Variants in USP45 observed in about 807,000 individuals in gnomAD.
The protein encoded by USP45 is ubiquitin carboxyl-terminal hydrolase 45.
A neutral mutation model predicts 95.8 loss-of-function variants in USP45; 89 were observed. The observed-to-expected ratio is 0.93, with a 90% confidence interval of 0.78 to 1.11. The LOEUF (loss-of-function observed/expected upper bound fraction) is 1.11. USP45 is among the 50% of genes least tolerant of loss of function. USP45 has a pLI of 0.00. For missense variants in USP45, 898 were observed against 942.5 expected (o/e 0.95, Z 0.62); for synonymous variants, 281 against 316.2 (o/e 0.89, Z 1.18).
At chr6:99,454,659 C>T (rs1784610552) in intron 13 of USP45, among the ~76,000 whole-genome samples, 1 of 152,130 alleles carries the variant, frequency 6.6e-6, no homozygotes, top group African/African-American at 2.4e-5. Context: ...ATTAAAACCA[C>T]AATGAAATAT....
chr6:99,483,155 T>TAATG (rs1792850026), intron 7 of USP45, among the ~76,000 whole-genome samples: 3 of 152,188 alleles, frequency 2.0e-5, no homozygotes, highest in African/African-American at 7.2e-5. Context: ...CACTGTCCTT[T>TAATG]AATGCACTCT....
chr6:99,491,708 A>G (rs949939879), intron 5 of USP45, among the ~76,000 whole-genome samples: 17 of 152,196 alleles, frequency 1.1e-4, no homozygotes, highest in African/African-American at 3.6e-4. Context: ...AGATTCTTAC[A>G]GATTTGGGTA....
At chr6:99,459,041 T>C (rs1437456829) in intron 13 of USP45, among the ~76,000 whole-genome samples, 1 of 152,216 alleles carries the variant, frequency 6.6e-6, no homozygotes, top group Non-Finnish European at 1.5e-5. Flanking sequence ...GTTATAAAGG[T>C]AAACTTGTGT....
Position 99,464,756 on chromosome 6 carries a change from A to T in USP45, c.1165-9T>A. 6.3e-7 allele frequency: 1 copy of T among 1,594,778 alleles called. No homozygotes were observed. The highest frequency in any genetic ancestry group is 1.3e-5 in the African/African-American group (1 of 74,230). On this transcript the variant is annotated splice_polypyrimidine_tract_variant and intron_variant, in intron 12 of 17. Coordinates refer to ENST00000500704, the MANE Select transcript of USP45 (RefSeq NM_001346022.3). ...AGTAAAGGTTTTGAAACCTATGTAAATGCCACATACAGAAACCAAAACCTC... is the reference window on the plus strand; with the variant it reads ...AGTAAAGGTTTTGAAACCTATGTAATTGCCACATACAGAAACCAAAACCTC...
intron 1 of USP45, among the ~76,000 whole-genome samples, chr6:99,511,223 C>T: frequency 6.6e-6 from 1 of 151,836 alleles, no homozygotes. Flanking sequence ...TGGATCTCGG[C>T]TCACTGCAAC....
At chr6:99,481,636 G>C (rs9389403) in intron 8 of USP45, among the ~76,000 whole-genome samples, 149,457 of 152,214 alleles carry the variant, frequency 0.98, 73,431 homozygotes, top group East Asian at 1. Flanking sequence ...GCATAGTACC[G>C]AATAGTTAGT....
intron 13 of USP45, chr6:99,462,357 A>T: frequency 1.0e-6 from 1 of 984,902 alleles, no homozygotes; most frequent in Non-Finnish European, 1.2e-6. Context: ...TTTCTCTCAT[A>T]CATTTGGATA....
chr6:99,466,681 T>G lies in USP45; in HGVS notation c.1098A>C (p.Glu366Asp), dbSNP rs776901973. The change falls in exon 11 of 18, where the codon GAA becomes GAC. Residue 366 changes from glutamate (E) to aspartate (D), a missense_variant. Coordinates refer to ENST00000500704, the MANE Select transcript of USP45 (RefSeq NM_001346022.3). ...ATTCTAAAGTACCTACATTTGCACA[T>G]TCTTCACACATGACCGTGCTAGTTA... ...GELTSTVMCE[E>D]CANISTVKDP... 3 of 1,612,736 alleles carry G rather than the reference T, an allele frequency of 1.9e-6. No homozygotes were observed. The Admixed American group carries it at 5.0e-5, about 27-fold the overall frequency.
intron 11 of USP45, 90 bp downstream of exon 11, chr6:99,466,582 G>A: frequency 9.3e-7 from 1 of 1,069,620 alleles, no homozygotes; most frequent in Non-Finnish European, 1.4e-6. Flanking sequence ...TTTTAAAAAT[G>A]ACTGCCAATG....
rs1787325498 is a variant in USP45 at position 99,464,284 on chromosome 6, C to A, written c.1308+320G>T. ...TTGCACCATTGCACTCCAGCCTAGG[C>A]AACAAGAGCAAAACTCCGTCTTAAA... On this transcript the variant is annotated intron_variant, in intron 13 of 17. Coordinates refer to ENST00000500704, the MANE Select transcript of USP45 (RefSeq NM_001346022.3). 2.0e-5 allele frequency among the ~76,000 whole-genome samples: 3 copies of A among 152,232 alleles called. No individual in the cohort carries two copies. In the South Asian group the frequency reaches 6.2e-4, roughly 32 times the overall value.
At position 99,476,341 on chromosome 6, in the gene USP45, G is replaced by A. The variant is rs1343569213; in HGVS notation, c.846-111C>T. 4 of 1,036,254 alleles carry A rather than the reference G, an allele frequency of 3.9e-6. No individual in the cohort carries two copies. The South Asian group carries it at 4.4e-5, about 11-fold the overall frequency. The allele number at this position is 1,036,254 out of a possible 1,614,324, so 64.2% of individuals were successfully genotyped here. On this transcript the variant is annotated intron_variant, in intron 8 of 17. Coordinates refer to ENST00000500704, the MANE Select transcript of USP45 (RefSeq NM_001346022.3). ...AGCATATTATTAGCTGGGTGCGGCA[G>A]CCTACGCCTGTAATCCCAGCATTTG...
At position 99,433,907 on chromosome 6, in the gene USP45, G is replaced by A. The variant is rs970871260; in HGVS notation, c.*1809C>T. 6.6e-5 allele frequency: 10 copies of A among 152,124 alleles called. No individual in the cohort carries two copies. The highest frequency in any genetic ancestry group is 2.2e-4 in the African/African-American group (9 of 41,432). The allele number at this position is 152,124 out of a possible 1,614,324, so 9.4% of individuals were successfully genotyped here. A position where few individuals can be genotyped will look rare whatever the true frequency, so the allele number is the denominator to read the frequency against. On this transcript the variant is annotated 3_prime_UTR_variant, in exon 18 of 18. Transcript: ENST00000500704. ...ATCTATATTTACATTTGGGCAGTGG[G>A]GGGATGAAAACTGCTCTTACCAAGA...
At chr6:99,439,914 T>C in intron 15 of USP45, 59 bp from the exon 16 acceptor site, 1 of 1,394,850 alleles carries the variant, frequency 7.2e-7, no homozygotes, top group Non-Finnish European at 9.9e-7. Context: ...ATTGTCTTTG[T>C]TAACTAAAAC....
At chr6:99,479,164 ACACAC>A (rs1791673522) in intron 8 of USP45, among the ~76,000 whole-genome samples, 1 of 1,554 alleles carries the variant, frequency 6.4e-4, no homozygotes, top group South Asian at 0.05. Context: ...ATACATATAT[ACACAC>A]ACACACACAC....
intron 16 of USP45, 71 bp from the exon 17 acceptor site, chr6:99,437,470 T>A: frequency 7.2e-7 from 1 of 1,396,948 alleles, no homozygotes; most frequent in Non-Finnish European, 9.6e-7. Context: ...AGTAAGTAAA[T>A]GTATATCTGC....
chr6:99,462,266 G>T (rs1341793232), intron 13 of USP45: 4 of 984,416 alleles, frequency 4.1e-6, no homozygotes, highest in Non-Finnish European at 4.8e-6. Flanking sequence ...ATATCCATGT[G>T]GTGTCCAGAT....
intron 13 of USP45, among the ~76,000 whole-genome samples, chr6:99,452,838 T>C (rs1784182986): frequency 6.6e-6 from 1 of 152,184 alleles, no homozygotes; most frequent in Non-Finnish European, 1.5e-5. Flanking sequence ...CATGGAATAC[T>C]ATGCAGCCAT....
intron 13 of USP45, among the ~76,000 whole-genome samples, chr6:99,453,297 TAAAC>T (rs1445037965): frequency 2.0e-5 from 3 of 151,518 alleles, no homozygotes; most frequent in African/African-American, 7.3e-5. Flanking sequence ...TTAGAACTGA[TAAAC>T]AAATTCAGTA....
chr6:99,513,657 T>C (rs1373858948), intron 1 of USP45, among the ~76,000 whole-genome samples: 1 of 152,200 alleles, frequency 6.6e-6, no homozygotes, highest in African/African-American at 2.4e-5. Context: ...GTAAGCAACC[T>C]GTGCCTTTTT....
Sources: allele counts gnomAD v4.1 joint callset (sites outside exome capture counted in the v4.1 genomes callset), GRCh38; gene constraint gnomAD v4.1.1; transcripts MANE v1.5; gene names NCBI Gene and HGNC (gene_info 2026-07-23, HGNC 2026-07-21).